AQR: variants seen among roughly 807,000 people sequenced by gnomAD.
AQR encodes aquarius intron-binding spliceosomal factor, also known as RNA helicase aquarius.
A neutral mutation model predicts 180.5 loss-of-function variants in AQR; 61 were observed. The ratio of observed to expected loss-of-function variants is 0.34; its 90% CI spans 0.28 to 0.42. AQR has a LOEUF of 0.42. Among genes scored for constraint, AQR ranks in the 10% least tolerant of loss-of-function variants. The pLI is 1.00. For synonymous variants in AQR, 551 were observed against 588.8 expected, an observed-to-expected ratio of 0.94 and a Z score of 0.93; for missense variants, 1,281 against 1,798.3, an observed-to-expected ratio of 0.71 and a Z score of 5.20.
At chr15:34,941,702 T>C (rs1053411720) in intron 7 of AQR, among the ~76,000 whole-genome samples, 2 of 152,066 alleles carry the variant, frequency 1.3e-5, no homozygotes, top group African/African-American at 4.8e-5. Flanking sequence ...ATATATATAC[T>C]CTAATCAAGG....
At chr15:34,946,082 C>T (rs148048265) in intron 5 of AQR, among the ~76,000 whole-genome samples, 1 of 151,984 alleles carries the variant, frequency 6.6e-6, no homozygotes, top group African/African-American at 2.4e-5. Flanking sequence ...ACCAGCCTGG[C>T]CAATATGGTG....
At chr15:34,915,814 C>T (rs943507322) in intron 15 of AQR, among the ~76,000 whole-genome samples, 84 of 151,864 alleles carry the variant, frequency 5.5e-4, no homozygotes, top group African/African-American at 1.9e-3. Flanking sequence ...GGTGTCATGG[C>T]GGGCGCCTGT....
intron 4 of AQR, among the ~76,000 whole-genome samples, chr15:34,950,506 A>T (rs1894210751): frequency 6.6e-6 from 1 of 152,040 alleles, no homozygotes; most frequent in South Asian, 2.1e-4. Context: ...TTATTTTGCT[A>T]ATTGAGTTTT....
chr15:34,882,725 G>C, intron 26 of AQR, 86 bp from the exon 27 acceptor site: 1 of 1,167,068 alleles, frequency 8.6e-7, no homozygotes, highest in Non-Finnish European at 1.2e-6. Context: ...CTTAATTCCT[G>C]AGAAATTAAC....
intron 27 of AQR, among the ~76,000 whole-genome samples, chr15:34,876,418 A>G (rs1892890176): frequency 6.6e-6 from 1 of 152,016 alleles, no homozygotes; most frequent in African/African-American, 2.4e-5. Flanking sequence ...TTTTTTTCCT[A>G]TATGAATCCT....
intron 5 of AQR, among the ~76,000 whole-genome samples, chr15:34,946,436 G>GGT (rs1385103196): frequency 2.1e-5 from 3 of 142,896 alleles, no homozygotes; most frequent in East Asian, 4.3e-4. Context: ...GAGGTGGGGG[G>GGT]GGTCAGCCCC....
intron 27 of AQR, among the ~76,000 whole-genome samples, chr15:34,881,614 T>C (rs1338047459): frequency 6.6e-6 from 1 of 152,216 alleles, no homozygotes. Flanking sequence ...TAACAGGTTA[T>C]TTTGTACTCC....
At chr15:34,955,108 G>A (rs1414282596) in intron 3 of AQR, among the ~76,000 whole-genome samples, 2 of 152,180 alleles carry the variant, frequency 1.3e-5, no homozygotes, top group Admixed American at 6.5e-5. Context: ...AGGTGACAGA[G>A]TGAGTCTCCG....
chr15:34,912,704 T>C (rs1893519086), intron 16 of AQR, among the ~76,000 whole-genome samples: 1 of 152,066 alleles, frequency 6.6e-6, no homozygotes, highest in African/African-American at 2.4e-5. Context: ...TGCCCATTCT[T>C]TCTTCTTATG....
chr15:34,866,390 T>TA (rs1892738842), intron 32 of AQR, among the ~76,000 whole-genome samples: 1 of 152,196 alleles, frequency 6.6e-6, no homozygotes, highest in Non-Finnish European at 1.5e-5. Context: ...GTATTTTTGC[T>TA]AAAAAATTTT....
chr15:34,901,759 T>C (rs1455871285), intron 19 of AQR, among the ~76,000 whole-genome samples: 1 of 152,180 alleles, frequency 6.6e-6, no homozygotes, highest in Non-Finnish European at 1.5e-5. Flanking sequence ...AGGTACTTGG[T>C]TATTTGTTTT....
At chr15:34,905,809 T>G (rs1324927767) in intron 18 of AQR, among the ~76,000 whole-genome samples, 2 of 152,140 alleles carry the variant, frequency 1.3e-5, no homozygotes, top group African/African-American at 4.8e-5. Flanking sequence ...ATAAAGATGA[T>G]TTCAAAAGAT....
At chr15:34,871,607 C>A (rs1892818867) in intron 30 of AQR, among the ~76,000 whole-genome samples, 1 of 151,672 alleles carries the variant, frequency 6.6e-6, no homozygotes, top group Admixed American at 6.6e-5. Context: ...CAATACAATA[C>A]CCAGTTTAAT....
chr15:34,945,581 T>C (rs1894098961), intron 5 of AQR, among the ~76,000 whole-genome samples: 1 of 152,226 alleles, frequency 6.6e-6, no homozygotes, highest in Non-Finnish European at 1.5e-5. Flanking sequence ...CCTTTCTGTA[T>C]TTCTATAATA....
intron 22 of AQR, among the ~76,000 whole-genome samples, chr15:34,895,187 A>AAAAAAAAAACAT (rs1555423886): frequency 7.7e-5 from 1 of 12,958 alleles, no homozygotes; most frequent in Non-Finnish European, 1.5e-4. Context: ...AAAAAAAAAA[A>AAAAAAAAAACAT]ATATATATAT....
intron 34 of AQR, among the ~76,000 whole-genome samples, chr15:34,858,320 C>CAAAAAAAAAAAAA (rs57627687): frequency 1.3e-4 from 11 of 86,060 alleles, no homozygotes; most frequent in African/African-American, 2.3e-4. Context: ...ACGACAGCAG[C>CAAAAAAAAAAAAA]AAAAAAAAAA....
At chr15:34,895,179 A>AAAAAT (rs1893217141) in intron 22 of AQR, among the ~76,000 whole-genome samples, 1 of 50,138 alleles carries the variant, frequency 2.0e-5, no homozygotes, top group South Asian at 8.9e-4. Flanking sequence ...AAAAAAAAAA[A>AAAAAT]AAAAAAAAAT....
chr15:34,870,986 T>A (rs896345133), intron 30 of AQR, 64 bp from the exon 31 acceptor site: 17 of 1,524,430 alleles, frequency 1.1e-5, no homozygotes, highest in Non-Finnish European at 1.5e-5. Context: ...ATAGAGAAAA[T>A]ATCTCATCTA....
intron 13 of AQR, among the ~76,000 whole-genome samples, chr15:34,924,377 AAT>A (rs1207783312): frequency 1.3e-5 from 2 of 152,190 alleles, no homozygotes; most frequent in Non-Finnish European, 2.9e-5. Context: ...CATTTTGGAG[AAT>A]ATGTTTTTCA....
Sources: gnomAD v4.1 joint callset for allele counts (sites outside exome capture counted in the v4.1 genomes callset) on GRCh38, gnomAD v4.1.1 for gene constraint, MANE v1.5 for transcripts, NCBI Gene and HGNC (gene_info 2026-07-23, HGNC 2026-07-21) for gene names.